Variants in CAB39L observed in about 807,000 individuals in gnomAD.
The protein encoded by CAB39L is calcium binding protein 39 like, also known as calcium-binding protein 39-like.
In CAB39L, 23 loss-of-function variants were observed where a neutral mutation model predicts 39.1. The observed-to-expected ratio is 0.59, with a 90% CI of 0.42 to 0.83. CAB39L has a LOEUF of 0.83. Among genes scored for constraint, CAB39L ranks in the 40% least tolerant of loss-of-function variants. CAB39L has a pLI of 0.00. For missense variants in CAB39L, 366 were observed against 391.9 expected, an observed-to-expected ratio of 0.93 and a Z score of 0.56; for synonymous variants, 126 against 137.2, an observed-to-expected ratio of 0.92 and a Z score of 0.57.
At chr13:49,424,157 G>A (rs1181612063) in intron 3 of CAB39L, among the ~76,000 whole-genome samples, 1 of 152,150 alleles carries the variant, frequency 6.6e-6, no homozygotes, top group Non-Finnish European at 1.5e-5. Context: ...TCTTTCCAGA[G>A]AGCAGCATGA....
chr13:49,372,859 G>C (rs561767482), intron 5 of CAB39L, among the ~76,000 whole-genome samples: 2 of 152,244 alleles, frequency 1.3e-5, no homozygotes, highest in South Asian at 4.2e-4. Flanking sequence ...ATTTTTAGTA[G>C]AGATGAGGTT....
intron 3 of CAB39L, among the ~76,000 whole-genome samples, chr13:49,416,690 T>C (rs1398177091): frequency 1.3e-5 from 2 of 152,232 alleles, no homozygotes; most frequent in African/African-American, 4.8e-5. Flanking sequence ...TCTGGGCCCC[T>C]ATTTCCTCAT....
At chr13:49,427,015 T>C (rs1334367428) in intron 3 of CAB39L, among the ~76,000 whole-genome samples, 1 of 152,218 alleles carries the variant, frequency 6.6e-6, no homozygotes, top group African/African-American at 2.4e-5. Context: ...TCTCAGCACC[T>C]TCAGGTTTAT....
chr13:49,395,109 A>G (rs949780613), intron 3 of CAB39L, among the ~76,000 whole-genome samples: 11 of 152,178 alleles, frequency 7.2e-5, no homozygotes, highest in Admixed American at 1.3e-4. Context: ...CGAAGCTTGT[A>G]TAATAGATCA....
intron 3 of CAB39L, among the ~76,000 whole-genome samples, chr13:49,399,030 C>A (rs367604264): frequency 1.3e-5 from 2 of 152,076 alleles, no homozygotes; most frequent in Admixed American, 1.3e-4. Flanking sequence ...TCTCACAATT[C>A]AGTCAATTCT....
intron 7 of CAB39L, 59 bp downstream of exon 7, chr13:49,350,685 C>G (rs1955318804): frequency 7.9e-7 from 1 of 1,271,842 alleles, no homozygotes; most frequent in Non-Finnish European, 1.1e-6. Context: ...AATTAAATTG[C>G]CTCTTCAGGG....
intron 4 of CAB39L, among the ~76,000 whole-genome samples, chr13:49,378,731 G>A (rs1338090527): frequency 1.6e-3 from 65 of 40,674 alleles, no homozygotes; most frequent in Non-Finnish European, 2.7e-3. Flanking sequence ...TCGGCCCCCC[G>A]CCCGGCCAGC....
At chr13:49,432,492 C>G (rs1957343632) in intron 3 of CAB39L, among the ~76,000 whole-genome samples, 1 of 152,122 alleles carries the variant, frequency 6.6e-6, no homozygotes, top group African/African-American at 2.4e-5. Flanking sequence ...CTCTATAGAT[C>G]TCTTTCAGTT....
chr13:49,415,571 A>G (rs1302365984), intron 3 of CAB39L, among the ~76,000 whole-genome samples: 1 of 149,912 alleles, frequency 6.7e-6, no homozygotes, highest in Admixed American at 6.6e-5. Flanking sequence ...GGGCTCTGAT[A>G]TATTTATGAT....
At position 49,407,542 on chromosome 13, in the gene CAB39L, C is replaced by T. The variant is rs182468431; in HGVS notation, c.-31-24601G>A. Reference sequence around the variant, plus strand: ...AACCTGGTTTGTCATGATCCCCCCCCAAAAAAATCAAGACTCTAACATGTA... The same window carrying T: ...AACCTGGTTTGTCATGATCCCCCCCTAAAAAAATCAAGACTCTAACATGTA... On this transcript the variant is annotated intron_variant, in intron 3 of 10. Transcript: ENST00000409308. 5.3e-4 allele frequency among the ~76,000 whole-genome samples: 81 copies of T among 151,750 alleles called. 1 individual carries two copies. Among genetic ancestry groups the T allele is most frequent in the African/African-American group, 2.0e-3 (81 of 41,386 alleles).
chr13:49,428,077 A>G (rs1290622334), intron 3 of CAB39L, among the ~76,000 whole-genome samples: 1 of 152,196 alleles, frequency 6.6e-6, no homozygotes, highest in Admixed American at 6.5e-5. Flanking sequence ...GCATCAATCA[A>G]CCTCTAGTGC....
intron 3 of CAB39L, among the ~76,000 whole-genome samples, chr13:49,407,861 C>A (rs375633703): frequency 6.3e-3 from 721 of 113,726 alleles, no homozygotes; most frequent in Middle Eastern, 0.012. Context: ...GACCCCGTCT[C>A]AAAAAAAAAA....
chr13:49,321,383 C>G (rs1445463568), intron 10 of CAB39L, among the ~76,000 whole-genome samples: 1 of 152,234 alleles, frequency 6.6e-6, no homozygotes, highest in African/African-American at 2.4e-5. Context: ...TAGATATCAT[C>G]TGCTGAATCC....
chr13:49,326,380 GA>G (rs1954497186), intron 10 of CAB39L, among the ~76,000 whole-genome samples: 1 of 152,180 alleles, frequency 6.6e-6, no homozygotes, highest in South Asian at 2.1e-4. Flanking sequence ...AACTGAGACA[GA>G]ACAAAGACCT....
In CAB39L at chr13:49,331,975, A is replaced by G; in HGVS notation, c.806T>C (p.Ile269Thr). ...AAAAACATGAAAGGCTTCAAACTGG[A>G]TGTTGGGACTTTTATCCCGAAGGAG... is the stretch of plus-strand genomic sequence containing the variant. ...MNLLRDKSPN[I>T]QFEAFHVFKV... is the part of the protein sequence containing the mutation. Residue 269 changes from isoleucine (I) to threonine (T), a missense_variant, in exon 10 of 11, where the codon ATC becomes ACC. By Grantham distance (89) the Ile-to-Thr change is moderately conservative (BLOSUM62 -1). Transcript: ENST00000409308. 1 of 1,614,138 alleles carries G rather than the reference A, an allele frequency of 6.2e-7. No homozygotes were observed. Among genetic ancestry groups the G allele is most frequent in the Non-Finnish European group, 8.5e-7 (1 of 1,179,990 alleles).
In CAB39L at chr13:49,434,091, T is replaced by C. The variant is rs1957369859; in HGVS notation, c.-113A>G. ...AGAAATAAGAGAAAACTTACGCTTC[T>C]CTCCTTTAGTGCATTGCTCTTGCAT... On this transcript the variant is annotated 5_prime_UTR_variant, in exon 2 of 11. Transcript: ENST00000409308. 4.4e-6 allele frequency: 2 copies of C among 449,868 alleles called. No individual in the cohort carries two copies. The highest frequency in any genetic ancestry group is 2.0e-5 in the African/African-American group (1 of 49,564). 27.9% of individuals were successfully genotyped at this position (449,868 alleles called of 1,614,324 possible). A position where few individuals can be genotyped will look rare whatever the true frequency, so the allele number is the denominator to read the frequency against.
At chr13:49,360,662 C>T (rs1313533323) in intron 5 of CAB39L, among the ~76,000 whole-genome samples, 1 of 152,092 alleles carries the variant, frequency 6.6e-6, no homozygotes, top group African/African-American at 2.4e-5. Flanking sequence ...AATTGTAATC[C>T]CTATAATCCC....
chr13:49,387,839 T>C (rs1481761573), intron 3 of CAB39L, among the ~76,000 whole-genome samples: 2 of 152,210 alleles, frequency 1.3e-5, no homozygotes, highest in Non-Finnish European at 2.9e-5. Context: ...ATGCCCAAGA[T>C]GCAGACTGGG....
rs549390848 is a variant in CAB39L, at chr13:49,308,966, C to A, written c.*1848G>T. On this transcript the variant is annotated 3_prime_UTR_variant, in exon 11 of 11. Transcript: ENST00000409308. The stretch of plus-strand genomic sequence containing the variant: ...TTATCAGAAAAGAATAATAACAAGG[C>A]CTCACTCTCCAAAGGAAAACAGACG... 46 of 152,246 alleles carry A rather than the reference C, an allele frequency of 3.0e-4. No individual in the cohort carries two copies. The highest frequency in any genetic ancestry group is 1.1e-3 in the African/African-American group (45 of 41,544). The allele number at this position is 152,246 out of a possible 1,614,324, so 9.4% of individuals were successfully genotyped here. A position where few individuals can be genotyped will look rare whatever the true frequency, so the allele number is the denominator to read the frequency against.
Sources: allele counts gnomAD v4.1 joint callset (sites outside exome capture counted in the v4.1 genomes callset), GRCh38; gene constraint gnomAD v4.1.1; transcripts MANE v1.5; gene names NCBI Gene and HGNC (gene_info 2026-07-23, HGNC 2026-07-21).